SOX6: variants seen among roughly 807,000 people sequenced by gnomAD.
SOX6 encodes transcription factor SOX-6.
SOX6 carries 11 observed loss-of-function variants against 97.8 expected under a neutral mutation model. The ratio of observed to expected loss-of-function variants is 0.11; its 90% CI spans 0.07 to 0.19. The LOEUF (loss-of-function observed/expected upper bound fraction) is 0.19. SOX6 is among the 10% of genes least tolerant of loss of function. The pLI, the probability that SOX6 is intolerant of heterozygous loss-of-function variation, is 1.00. For missense variants in SOX6, 810 were observed against 1,039.5 expected (o/e 0.78, Z 3.04); for synonymous variants, 360 against 371.4 (o/e 0.97, Z 0.35).
At chr11:16,001,015 C>T (rs1854392100) in intron 13 of SOX6, among the ~76,000 whole-genome samples, 1 of 149,142 alleles carries the variant, frequency 6.7e-6, no homozygotes, top group Non-Finnish European at 1.5e-5. Flanking sequence ...AGCCACTGTA[C>T]CCAGCTAATT....
At chr11:16,526,157 TCATGCTGCTATAAAGACA>T (rs1377470959) in intron 4 of SOX6, among the ~76,000 whole-genome samples, 1 of 152,172 alleles carries the variant, frequency 6.6e-6, no homozygotes. Flanking sequence ...GGACTATAAA[TCATGCTGCTATAAAGACA>T]CATGCACACA....
chr11:16,192,686 T>C (rs773306890), intron 4 of SOX6, among the ~76,000 whole-genome samples: 1 of 152,028 alleles, frequency 6.6e-6, no homozygotes, highest in Admixed American at 6.6e-5. Flanking sequence ...TCAAAACAGA[T>C]GAGAATTTAG....
chr11:16,319,677 C>CT (rs1565089522), intron 2 of SOX6, among the ~76,000 whole-genome samples: 1 of 151,956 alleles, frequency 6.6e-6, no homozygotes, highest in Non-Finnish European at 1.5e-5. Context: ...TGAACTCATC[C>CT]TTTTTTATGG....
intron 1 of SOX6, among the ~76,000 whole-genome samples, chr11:16,404,582 G>A (rs951943614): frequency 2.0e-5 from 3 of 151,806 alleles, no homozygotes; most frequent in African/African-American, 7.3e-5. Flanking sequence ...AAATCACATT[G>A]TATGCCCACA....
chr11:16,010,555 G>T (rs1237935248), intron 13 of SOX6, among the ~76,000 whole-genome samples: 2 of 151,902 alleles, frequency 1.3e-5, no homozygotes, highest in Non-Finnish European at 2.9e-5. Flanking sequence ...AAACCATGCA[G>T]CAAAACAGAA....
At chr11:16,568,255 A>G (rs1847898793) in intron 4 of SOX6, among the ~76,000 whole-genome samples, 1 of 152,222 alleles carries the variant, frequency 6.6e-6, no homozygotes, top group Non-Finnish European at 1.5e-5. Flanking sequence ...AGCATTTCAG[A>G]TAAGGGATAC....
At chr11:16,105,268 G>C (rs1312589254) in intron 7 of SOX6, among the ~76,000 whole-genome samples, 1 of 151,044 alleles carries the variant, frequency 6.6e-6, no homozygotes, top group Non-Finnish European at 1.5e-5. Flanking sequence ...TAGAACAAAG[G>C]GAAAAAAAAA....
chr11:16,483,817 G>A (rs541505549), intron 4 of SOX6, among the ~76,000 whole-genome samples: 1 of 152,350 alleles, frequency 6.6e-6, no homozygotes, highest in South Asian at 2.1e-4. Context: ...TTGTAGTTGA[G>A]TGAGGTGGTC....
intron 6 of SOX6, among the ~76,000 whole-genome samples, chr11:16,170,296 A>G (rs1227334074): frequency 6.6e-6 from 1 of 152,002 alleles, no homozygotes; most frequent in Non-Finnish European, 1.5e-5. Context: ...TGTGCTTAAT[A>G]CATGAGAGCT....
intron 3 of SOX6, among the ~76,000 whole-genome samples, chr11:16,627,995 A>AGTTTCAT (rs1205818213): frequency 6.6e-6 from 1 of 152,136 alleles, no homozygotes; most frequent in Non-Finnish European, 1.5e-5. Flanking sequence ...GTATAGGTTT[A>AGTTTCAT]GTTTCATTCT....
chr11:16,400,262 T>G (rs962618236), intron 1 of SOX6, among the ~76,000 whole-genome samples: 3 of 151,432 alleles, frequency 2.0e-5, no homozygotes, highest in African/African-American at 7.3e-5. Flanking sequence ...TGGAAACAAA[T>G]AGAACAGCAT....
At chr11:16,512,630 GT>G (rs768319985) in intron 4 of SOX6, among the ~76,000 whole-genome samples, 19 of 151,736 alleles carry the variant, frequency 1.3e-4, no homozygotes, top group Middle Eastern at 3.4e-3. Context: ...AAATATTGAA[GT>G]TTTTTTTTAT....
chr11:16,003,137 C>CCTTACT (rs1342738428), intron 13 of SOX6, among the ~76,000 whole-genome samples: 1 of 152,038 alleles, frequency 6.6e-6, no homozygotes, highest in Non-Finnish European at 1.5e-5. Context: ...AGTTCACACT[C>CCTTACT]CTTAGTACAG....
At chr11:16,365,118 AT>A in intron 1 of SOX6, among the ~76,000 whole-genome samples, 1 of 152,142 alleles carries the variant, frequency 6.6e-6, no homozygotes, top group South Asian at 2.1e-4. Context: ...GTTCCATTTT[AT>A]TGTTGTTGTT....
intron 3 of SOX6, among the ~76,000 whole-genome samples, chr11:16,658,450 T>G (rs1361921707): frequency 2.6e-5 from 4 of 152,212 alleles, no homozygotes; most frequent in Non-Finnish European, 1.5e-5. Context: ...GGCTCACGCC[T>G]GTAATCCCAG....
chr11:15,985,134 G>A (rs1284548917), intron 15 of SOX6, among the ~76,000 whole-genome samples: 1 of 152,144 alleles, frequency 6.6e-6, no homozygotes, highest in African/African-American at 2.4e-5. Flanking sequence ...CATTGGCTTT[G>A]TTTTCTTACT....
intron 4 of SOX6, among the ~76,000 whole-genome samples, chr11:16,488,703 T>A (rs943777930): frequency 6.6e-6 from 1 of 152,144 alleles, no homozygotes; most frequent in East Asian, 1.9e-4. Context: ...CTTCTCAACC[T>A]TACCTTAGGT....
At chr11:16,380,455 T>C (rs1359582144) in intron 1 of SOX6, among the ~76,000 whole-genome samples, 1 of 152,030 alleles carries the variant, frequency 6.6e-6, no homozygotes, top group Admixed American at 6.5e-5. Flanking sequence ...TTTGGTTTTT[T>C]AATCAGAAAA....
At chr11:16,716,911 G>GGGAA (rs1048403954) in intron 2 of SOX6, among the ~76,000 whole-genome samples, 7 of 151,976 alleles carry the variant, frequency 4.6e-5, no homozygotes, top group African/African-American at 1.5e-4. Context: ...CATAGTAATT[G>GGGAA]GGAAGGAAGG....
Sources: allele counts gnomAD v4.1 joint callset (sites outside exome capture counted in the v4.1 genomes callset), GRCh38; gene constraint gnomAD v4.1.1; transcripts MANE v1.5; gene names NCBI Gene and HGNC (gene_info 2026-07-23, HGNC 2026-07-21).